ANKHD1: variants seen among roughly 807,000 people sequenced by gnomAD.
The protein encoded by ANKHD1 is ankyrin repeat and KH domain containing 1.
ANKHD1 carries 31 observed loss-of-function variants against 230.5 expected under a neutral mutation model. The observed-to-expected ratio is 0.13, with a 90% CI of 0.10 to 0.18. The LOEUF is 0.18. ANKHD1 is among the 10% of genes least tolerant of loss of function. The pLI is 1.00. For synonymous variants in ANKHD1, 1,074 were observed against 1,117.6 expected (o/e 0.96, Z 0.78); for missense variants, 2,256 against 3,071.3 (o/e 0.73, Z 6.27).
Position 140,440,897 on chromosome 5 carries a change from A to G in ANKHD1, c.766-98A>G, listed in dbSNP as rs1773799229. Reference sequence around the variant, plus strand: ...TCATTATTGATTTTTTCCCACCCCTATTCTAGAAGAATATCTTCAGAGATT... The same window carrying G: ...TCATTATTGATTTTTTCCCACCCCTGTTCTAGAAGAATATCTTCAGAGATT... On this transcript the variant is annotated intron_variant, in intron 4 of 33. Coordinates refer to ENST00000360839, the MANE Select transcript of ANKHD1 (RefSeq NM_017747.3). The G allele has an allele frequency of 5.3e-6, 7 of 1,331,860 alleles. No individual in the cohort carries two copies. In the South Asian group the frequency reaches 1.7e-4, roughly 32 times the overall value. 82.5% of individuals were successfully genotyped at this position (1,331,860 alleles called of 1,614,324 possible). A position where few individuals can be genotyped will look rare whatever the true frequency, so the allele number is the denominator to read the frequency against.
intron 1 of ANKHD1, among the ~76,000 whole-genome samples, chr5:140,419,788 T>TTGTC (rs1554084049): frequency 5.7e-5 from 5 of 87,964 alleles, no homozygotes; most frequent in Admixed American, 2.5e-4. Context: ...CTTTCTTTCT[T>TTGTC]TCTTTCTTTC....
intron 7 of ANKHD1, among the ~76,000 whole-genome samples, chr5:140,457,623 A>G (rs1054149873): frequency 5.3e-5 from 8 of 152,098 alleles, no homozygotes; most frequent in African/African-American, 1.9e-4. Flanking sequence ...CAGACAGCGC[A>G]TGTTCTCACT....
At chr5:140,402,964 C>CTTTTTTTTTTTT (rs56939861) in intron 1 of ANKHD1, among the ~76,000 whole-genome samples, 1 of 73,944 alleles carries the variant, frequency 1.4e-5, no homozygotes, top group African/African-American at 5.2e-5. Flanking sequence ...GAAACCTCTT[C>CTTTTTTTTTTTT]TTTTTTTTTT....
At chr5:140,419,426 C>T (rs960111573) in intron 1 of ANKHD1, among the ~76,000 whole-genome samples, 9 of 141,748 alleles carry the variant, frequency 6.3e-5, no homozygotes, top group Middle Eastern at 4.0e-3. Flanking sequence ...TTCTCCCATT[C>T]TGTGAGTTGT....
chr5:140,505,322 C>A, intron 17 of ANKHD1, 89 bp downstream of exon 17: 1 of 1,381,230 alleles, frequency 7.2e-7, no homozygotes, highest in Non-Finnish European at 1.0e-6. Flanking sequence ...CCTAGACTAT[C>A]TCAGTGATAA....
At chr5:140,439,591 A>C (rs1299493385) in intron 3 of ANKHD1, among the ~76,000 whole-genome samples, 2 of 152,152 alleles carry the variant, frequency 1.3e-5, no homozygotes, top group East Asian at 3.9e-4. Context: ...AATCACTTGA[A>C]CCTGGGAGGT....
chr5:140,421,838 T>C (rs1168653764), intron 1 of ANKHD1, among the ~76,000 whole-genome samples: 1 of 152,188 alleles, frequency 6.6e-6, no homozygotes, highest in Non-Finnish European at 1.5e-5. Flanking sequence ...TATTTTCTTT[T>C]AGTTTGAAGA....
chr5:140,405,016 T>A (rs1448773456), intron 1 of ANKHD1, among the ~76,000 whole-genome samples: 4 of 105,498 alleles, frequency 3.8e-5, no homozygotes, highest in African/African-American at 1.5e-4. Flanking sequence ...TGTGTGTGTA[T>A]GTGTAATGGT....
rs574972972 is a variant in ANKHD1, at chr5:140,428,044, C to T, written c.307-8060C>T. 3.4e-3 allele frequency among the ~76,000 whole-genome samples: 521 copies of T among 151,962 alleles called. 2 individuals are homozygous for T. Among genetic ancestry groups the T allele is most frequent in the Admixed American group, 0.01 (159 of 15,270 alleles). ...CCCCACATCCCGGACGATGGGCAGCCGGGCAGAGACGCTCCTCACTTCCTA... is the reference window on the plus strand; with the variant it reads ...CCCCACATCCCGGACGATGGGCAGCTGGGCAGAGACGCTCCTCACTTCCTA... On this transcript the variant is annotated intron_variant, in intron 1 of 33. Transcript: ENST00000360839.
At position 140,402,153 on chromosome 5, in the gene ANKHD1, CGGCAGCGGCAGCGGT is replaced by C. The variant is rs754945725; in HGVS notation, c.187_201del (p.Gly63_Gly67del). On this transcript the variant is annotated inframe_deletion, in exon 1 of 34. Transcript: ENST00000360839. ...CGGGAGTCGGCAGCAGCGGCGGCGG[CGGCAGCGGCAGCGGT>C]ACGGGCGGAGGGGACGCGGCGCTGG... is the stretch of plus-strand genomic sequence containing the variant. The C allele has an allele frequency of 3.4e-5, 52 of 1,526,876 alleles. No individual in the cohort carries two copies. Among genetic ancestry groups the C allele is most frequent in the Non-Finnish European group, 4.3e-5 (49 of 1,142,492 alleles). The allele number at this position is 1,526,876 out of a possible 1,614,324, so 94.6% of individuals were successfully genotyped here.
chr5:140,517,082 A>G (rs1753053376), intron 24 of ANKHD1, among the ~76,000 whole-genome samples: 1 of 145,884 alleles, frequency 6.9e-6, no homozygotes, highest in African/African-American at 2.5e-5. Flanking sequence ...TCAAAATAAA[A>G]GGATGGAGGA....
intron 7 of ANKHD1, among the ~76,000 whole-genome samples, chr5:140,450,974 G>A (rs1411973742): frequency 2.0e-5 from 3 of 151,970 alleles, no homozygotes; most frequent in South Asian, 2.1e-4. Flanking sequence ...CCAACATGGT[G>A]AAACCCCATC....
In ANKHD1 at chr5:140,538,999, T is replaced by G; in HGVS notation, c.7485T>G (p.Phe2495Leu). 1.2e-6 allele frequency: 2 copies of G among 1,612,832 alleles called. No homozygotes were observed. Among genetic ancestry groups the G allele is most frequent in the Non-Finnish European group, 1.7e-6 (2 of 1,179,424 alleles). The change falls in exon 33 of 34, where the codon TTT becomes TTG. Residue 2495 changes from phenylalanine to leucine, a missense_variant. Phe to Leu is a conservative substitution (Grantham distance 22). Coordinates refer to ENST00000360839, the MANE Select transcript of ANKHD1 (RefSeq NM_017747.3). The part of the protein sequence containing the change: ...QLADVPGGPL[F>L]NGLHNPDPAW... ...CTGATGTTCCAGGAGGCCCTCTGTT[T>G]AATGGACTTCACAATCCAGATCCTG...
intron 1 of ANKHD1, among the ~76,000 whole-genome samples, chr5:140,408,001 A>G (rs1194523386): frequency 6.6e-6 from 1 of 152,066 alleles, no homozygotes; most frequent in East Asian, 1.9e-4. Context: ...ACATGGTGAA[A>G]GCCTGTCTCT....
chr5:140,418,854 G>C (rs758825328), intron 1 of ANKHD1, among the ~76,000 whole-genome samples: 1 of 151,970 alleles, frequency 6.6e-6, no homozygotes, highest in Admixed American at 6.6e-5. Context: ...CCTCAGCCTC[G>C]CGAGTAGCTG....
At position 140,497,214 on chromosome 5, in the gene ANKHD1, A is replaced by G. The variant is rs1213783417; in HGVS notation, c.2940A>G (p.Pro980=). ...ATCAGGGGCTGTTAGTTCAAGAACC[A>G]GATGGACTAATGGTTGCAACTCCAG... is the stretch of plus-strand genomic sequence containing the variant. ...GHDQGLLVQE[P]DGLMVATPAQ... Residue 980 remains proline, a synonymous_variant, in exon 15 of 34, where the codon CCA becomes CCG. Coordinates refer to ENST00000360839, the MANE Select transcript of ANKHD1 (RefSeq NM_017747.3). 1 of 1,611,410 alleles carries G rather than the reference A, an allele frequency of 6.2e-7. No homozygotes were observed. Among genetic ancestry groups the G allele is most frequent in the Non-Finnish European group, 8.5e-7 (1 of 1,179,990 alleles).
In ANKHD1 at chr5:140,524,124, A is replaced by G; in HGVS notation, c.4376A>G (p.Lys1459Arg). Residue 1459 changes from lysine (K) to arginine (R), a missense_variant, in exon 25 of 34, where the codon AAG becomes AGG. Lys to Arg is a conservative substitution (Grantham distance 26). Transcript: ENST00000360839. ...GCTAAAAGAGAAAAAAGAAAAGAAA[A>G]GAGAAAAAAGAAAAAAGAGGAACAG... ...LAAKREKRKE[K>R]RKKKKEEQKR... 1 of 1,594,278 alleles carries G rather than the reference A, an allele frequency of 6.3e-7. No individual in the cohort carries two copies. Among genetic ancestry groups the G allele is most frequent in the Non-Finnish European group, 8.5e-7 (1 of 1,174,434 alleles).
intron 1 of ANKHD1, among the ~76,000 whole-genome samples, chr5:140,412,634 A>T (rs897147851): frequency 6.6e-6 from 1 of 152,216 alleles, no homozygotes; most frequent in African/African-American, 2.4e-5. Context: ...AAACCATTGA[A>T]ATAGAAAGGC....
chr5:140,493,289 T>C (rs1751888119), intron 14 of ANKHD1, among the ~76,000 whole-genome samples: 1 of 152,138 alleles, frequency 6.6e-6, no homozygotes, highest in Admixed American at 6.6e-5. Flanking sequence ...GGTCTAGAAC[T>C]CCCAACCTCA....
Sources: gnomAD v4.1 joint callset for allele counts (sites outside exome capture counted in the v4.1 genomes callset) on GRCh38, gnomAD v4.1.1 for gene constraint, MANE v1.5 for transcripts, NCBI Gene and HGNC (gene_info 2026-07-23, HGNC 2026-07-21) for gene names.